NEK7: variants seen among roughly 807,000 people sequenced by gnomAD.
The protein encoded by NEK7 is serine/threonine-protein kinase Nek7.
Under a neutral mutation model 44.6 loss-of-function variants are expected in NEK7, and 18 were observed. The ratio of observed to expected loss-of-function variants is 0.40; its 90% CI spans 0.28 to 0.60. NEK7 has a LOEUF of 0.60. NEK7 is among the 20% of genes least tolerant of loss of function. The pLI is 0.38. For missense variants in NEK7, 256 were observed against 366.5 expected (o/e 0.70, Z 2.46); for synonymous variants, 130 against 121.1 (o/e 1.07, Z -0.48).
intron 1 of NEK7, among the ~76,000 whole-genome samples, chr1:198,199,066 G>A (rs1370448961): frequency 3.3e-5 from 5 of 152,202 alleles, no homozygotes; most frequent in Non-Finnish European, 7.3e-5. Flanking sequence ...CTGCTTTCTG[G>A]TCCACTTTAG....
At chr1:198,286,824 C>T (rs1654384085) in intron 7 of NEK7, among the ~76,000 whole-genome samples, 1 of 152,140 alleles carries the variant, frequency 6.6e-6, no homozygotes, top group Non-Finnish European at 1.5e-5. Context: ...GGGCCATTCC[C>T]AGCTTCTAGA....
At chr1:198,252,649 T>TAC (rs1213779683) in intron 2 of NEK7, among the ~76,000 whole-genome samples, 2 of 143,038 alleles carry the variant, frequency 1.4e-5, no homozygotes, top group African/African-American at 5.2e-5. Flanking sequence ...TATTAAAACA[T>TAC]ATATGTATGT....
chr1:198,179,188 C>G (rs1664688448), intron 1 of NEK7, among the ~76,000 whole-genome samples: 1 of 151,752 alleles, frequency 6.6e-6, no homozygotes, highest in Non-Finnish European at 1.5e-5. Context: ...TAATATAAGG[C>G]CTTGCATTTT....
chr1:198,180,445 T>C (rs1428668053), intron 1 of NEK7, among the ~76,000 whole-genome samples: 2 of 152,024 alleles, frequency 1.3e-5, no homozygotes, highest in Non-Finnish European at 2.9e-5. Context: ...TTGTAACAGT[T>C]TGCTTGAGGA....
intron 8 of NEK7, among the ~76,000 whole-genome samples, chr1:198,293,955 T>C (rs1401337437): frequency 1.3e-5 from 2 of 151,918 alleles, no homozygotes; most frequent in Non-Finnish European, 2.9e-5. Context: ...ATTTCCTGTC[T>C]CTTGTCCTCC....
At chr1:198,255,312 A>ATAGC (rs893379876) in intron 3 of NEK7, among the ~76,000 whole-genome samples, 34 of 152,286 alleles carry the variant, frequency 2.2e-4, no homozygotes, top group African/African-American at 7.9e-4. Flanking sequence ...TGGAGAGAAC[A>ATAGC]TAGCTGCCAA....
chr1:198,204,087 C>T (rs1248192762), intron 1 of NEK7, among the ~76,000 whole-genome samples: 2 of 151,968 alleles, frequency 1.3e-5, no homozygotes, highest in African/African-American at 4.8e-5. Flanking sequence ...GAGATCCTGT[C>T]TCTACAAAAA....
chr1:198,217,468 A>G (rs1048625959), intron 1 of NEK7, among the ~76,000 whole-genome samples: 1 of 152,128 alleles, frequency 6.6e-6, no homozygotes, highest in Non-Finnish European at 1.5e-5. Context: ...TGACAAACCC[A>G]CAGCCAACAT....
intron 9 of NEK7, among the ~76,000 whole-genome samples, chr1:198,304,365 C>T (rs543968105): frequency 2.6e-5 from 4 of 152,132 alleles, no homozygotes; most frequent in Admixed American, 6.5e-5. Context: ...AAGTTGGATA[C>T]GCCTAATCAT....
At chr1:198,317,884 T>TTTTA (rs1553258438) in intron 9 of NEK7, among the ~76,000 whole-genome samples, 5 of 143,302 alleles carry the variant, frequency 3.5e-5, no homozygotes, top group South Asian at 2.2e-4. Context: ...TTTATTTTTT[T>TTTTA]TTTTTTTTTT....
chr1:198,316,986 G>C lies in NEK7; in HGVS notation c.799-2426G>C, dbSNP rs77954461. 3.1e-3 allele frequency among the ~76,000 whole-genome samples: 467 copies of C among 152,270 alleles called. 2 individuals carry two copies. The highest frequency in any genetic ancestry group is 0.01 in the African/African-American group (436 of 41,546). ...GCAGAGTAGATCATCTAGAAATGTTGCTGGAGTGGATAAGTGGGAGCATTC... is the reference window on the plus strand; with the variant it reads ...GCAGAGTAGATCATCTAGAAATGTTCCTGGAGTGGATAAGTGGGAGCATTC... On this transcript the variant is annotated intron_variant, in intron 9 of 9. Transcript: ENST00000367385.
chr1:198,256,517 T>G, intron 3 of NEK7: 1 of 1,538,286 alleles, frequency 6.5e-7, no homozygotes, highest in Non-Finnish European at 8.7e-7. Context: ...TAAAACAATT[T>G]TGAAATTCTC....
At chr1:198,313,615 G>A (rs1354776580) in intron 9 of NEK7, among the ~76,000 whole-genome samples, 2 of 137,360 alleles carry the variant, frequency 1.5e-5, no homozygotes, top group Non-Finnish European at 3.0e-5. Context: ...TCCTTCAGGA[G>A]CTCTTTTAGG....
intron 1 of NEK7, among the ~76,000 whole-genome samples, chr1:198,169,554 TC>T (rs2102715119): frequency 6.6e-6 from 1 of 151,732 alleles, no homozygotes; most frequent in Non-Finnish European, 1.5e-5. Context: ...TCCTGTATAT[TC>T]CCCTACATTT....
chr1:198,187,881 G>A (rs1664967401), intron 1 of NEK7, among the ~76,000 whole-genome samples: 1 of 152,204 alleles, frequency 6.6e-6, no homozygotes, highest in South Asian at 2.1e-4. Flanking sequence ...TGGAGGCAAT[G>A]AAGGAGTAAT....
chr1:198,242,923 G>A (rs1384641747), intron 2 of NEK7, among the ~76,000 whole-genome samples: 5 of 151,126 alleles, frequency 3.3e-5, no homozygotes, highest in Non-Finnish European at 2.9e-5. Context: ...GCCTGCCTTG[G>A]CCTCCCAAAG....
chr1:198,307,749 A>C (rs1655058103), intron 9 of NEK7, among the ~76,000 whole-genome samples: 1 of 152,146 alleles, frequency 6.6e-6, no homozygotes, highest in African/African-American at 2.4e-5. Flanking sequence ...ACCTGTTAAT[A>C]TCTAGTCACT....
chr1:198,255,365 T>A (rs1463430823), intron 3 of NEK7, among the ~76,000 whole-genome samples: 1 of 152,132 alleles, frequency 6.6e-6, no homozygotes, highest in African/African-American at 2.4e-5. Context: ...TGGATTGAGA[T>A]CCATTTGGAG....
At chr1:198,170,885 A>G (rs185007366) in intron 1 of NEK7, among the ~76,000 whole-genome samples, 2 of 152,246 alleles carry the variant, frequency 1.3e-5, no homozygotes, top group East Asian at 3.9e-4. Flanking sequence ...TCAAAATAGA[A>G]TCAAGATTAT....
Sources: gnomAD v4.1 joint callset for allele counts (sites outside exome capture counted in the v4.1 genomes callset) on GRCh38, gnomAD v4.1.1 for gene constraint, MANE v1.5 for transcripts, NCBI Gene and HGNC (gene_info 2026-07-23, HGNC 2026-07-21) for gene names.